TOX: variants seen among roughly 807,000 people sequenced by gnomAD.
TOX encodes the protein thymocyte selection associated high mobility group box.
Under a neutral mutation model 53.7 loss-of-function variants are expected in TOX, and 11 were observed. The ratio of observed to expected loss-of-function variants is 0.20; its 90% confidence interval spans 0.13 to 0.34. The LOEUF (loss-of-function observed/expected upper bound fraction) is 0.34, where lower values mean the gene tolerates loss of function less well. TOX is among the 10% of genes least tolerant of loss of function. TOX has a pLI of 1.00. For missense variants in TOX, 570 were observed against 664.6 expected (o/e 0.86, Z 1.56); for synonymous variants, 225 against 245.3 (o/e 0.92, Z 0.77).
rs190781051 is a variant in TOX at position 59,008,111 on chromosome 8, C to G, written c.103-48103G>C. On this transcript the variant is annotated intron_variant, in intron 1 of 8. Coordinates refer to ENST00000361421, the MANE Select transcript of TOX (RefSeq NM_014729.3). ...ATTATTTTCTTCCACTCATCAGTTTCTTTCATCAAATGAAAACAGTTTTTC... is the reference window on the plus strand; with the variant it reads ...ATTATTTTCTTCCACTCATCAGTTTGTTTCATCAAATGAAAACAGTTTTTC... 7.7e-4 allele frequency among the ~76,000 whole-genome samples: 118 copies of G among 152,318 alleles called. 3 individuals are homozygous for G. Among genetic ancestry groups the G allele is most frequent in the East Asian group, 7.7e-3 (40 of 5,190 alleles).
At chr8:59,085,979 C>CT (rs35593177) in intron 1 of TOX, among the ~76,000 whole-genome samples, 4,048 of 88,850 alleles carry the variant, frequency 0.046, 123 homozygotes, top group Non-Finnish European at 0.064. Context: ...CTTTTCTTTT[C>CT]TTTTTTTTTT....
At chr8:59,042,855 G>A (rs1484648685) in intron 1 of TOX, among the ~76,000 whole-genome samples, 2 of 151,726 alleles carry the variant, frequency 1.3e-5, no homozygotes, top group Admixed American at 1.3e-4. Flanking sequence ...GTATTTATGG[G>A]GTACAATGTG....
At chr8:58,930,128 T>C (rs1198516532) in intron 3 of TOX, among the ~76,000 whole-genome samples, 3 of 152,228 alleles carry the variant, frequency 2.0e-5, no homozygotes, top group Non-Finnish European at 2.9e-5. Flanking sequence ...GACACCATGA[T>C]AAATGACATT....
At chr8:58,871,301 G>A (rs1178221891) in intron 3 of TOX, among the ~76,000 whole-genome samples, 1 of 151,940 alleles carries the variant, frequency 6.6e-6, no homozygotes, top group Non-Finnish European at 1.5e-5. Flanking sequence ...TTTTAGGGTG[G>A]TATTATTCCG....
intron 4 of TOX, among the ~76,000 whole-genome samples, chr8:58,846,589 T>G (rs563097409): frequency 5.3e-5 from 8 of 152,266 alleles, no homozygotes; most frequent in African/African-American, 1.9e-4. Context: ...CCTATTTGCT[T>G]TGAGAAAAAA....
chr8:58,978,642 G>C (rs1175346054), intron 1 of TOX, among the ~76,000 whole-genome samples: 5 of 152,140 alleles, frequency 3.3e-5, no homozygotes, highest in Non-Finnish European at 7.4e-5. Context: ...AATGTACAGA[G>C]TTCCCATATA....
chr8:59,010,455 C>A (rs1813883664), intron 1 of TOX, among the ~76,000 whole-genome samples: 1 of 152,136 alleles, frequency 6.6e-6, no homozygotes, highest in Admixed American at 6.5e-5. Context: ...AGTGACGAGG[C>A]CAACGAAAAT....
intron 3 of TOX, among the ~76,000 whole-genome samples, chr8:58,934,428 T>C (rs1812311635): frequency 6.6e-6 from 1 of 152,190 alleles, no homozygotes; most frequent in African/African-American, 2.4e-5. Flanking sequence ...GAGGTTCCCA[T>C]TGAATATATC....
At chr8:59,085,888 C>G (rs182773711) in intron 1 of TOX, among the ~76,000 whole-genome samples, 1 of 151,840 alleles carries the variant, frequency 6.6e-6, no homozygotes, top group East Asian at 1.9e-4. Flanking sequence ...TTTTGTTCCT[C>G]TGGTTCTCCC....
chr8:59,109,010 A>C (rs1448796279), intron 1 of TOX, among the ~76,000 whole-genome samples: 1 of 152,182 alleles, frequency 6.6e-6, no homozygotes, highest in Non-Finnish European at 1.5e-5. Flanking sequence ...TTCTTATGCC[A>C]AAAGAACAAT....
intron 3 of TOX, among the ~76,000 whole-genome samples, chr8:58,879,278 T>C (rs900877377): frequency 2.0e-5 from 3 of 152,224 alleles, no homozygotes; most frequent in African/African-American, 7.2e-5. Context: ...TGTGTTTCTA[T>C]GGCAATCTAT....
intron 3 of TOX, among the ~76,000 whole-genome samples, chr8:58,910,341 G>A (rs1811888239): frequency 6.6e-6 from 1 of 151,990 alleles, no homozygotes. Flanking sequence ...TTCAACCATT[G>A]TCAGGTTGGA....
intron 5 of TOX, among the ~76,000 whole-genome samples, chr8:58,837,223 C>A (rs1158734864): frequency 6.6e-6 from 1 of 152,144 alleles, no homozygotes; most frequent in Non-Finnish European, 1.5e-5. Flanking sequence ...ATCATTAATG[C>A]AATTCAGTAT....
intron 3 of TOX, among the ~76,000 whole-genome samples, chr8:58,896,714 A>G (rs376003491): frequency 2.3e-5 from 3 of 128,312 alleles, no homozygotes; most frequent in Admixed American, 2.3e-4. Flanking sequence ...TAAAATAAAA[A>G]CAAAAAATCC....
chr8:58,952,329 T>C (rs1176383817), intron 2 of TOX, among the ~76,000 whole-genome samples: 1 of 152,214 alleles, frequency 6.6e-6, no homozygotes, highest in Non-Finnish European at 1.5e-5. Flanking sequence ...TTCAACACAT[T>C]ACTATTCTTA....
At chr8:58,956,753 T>A (rs574742805) in intron 2 of TOX, among the ~76,000 whole-genome samples, 10 of 152,244 alleles carry the variant, frequency 6.6e-5, no homozygotes, top group African/African-American at 2.2e-4. Flanking sequence ...GTGGCTGGGA[T>A]TACAGGCACA....
At chr8:58,913,482 C>T (rs1297298061) in intron 3 of TOX, among the ~76,000 whole-genome samples, 1 of 152,198 alleles carries the variant, frequency 6.6e-6, no homozygotes, top group Non-Finnish European at 1.5e-5. Flanking sequence ...CAGCACTTAG[C>T]CTGCTGCCTG....
intron 1 of TOX, among the ~76,000 whole-genome samples, chr8:59,072,172 G>A (rs1265637735): frequency 2.0e-5 from 3 of 152,120 alleles, no homozygotes; most frequent in African/African-American, 7.2e-5. Flanking sequence ...TGTTAGGTTT[G>A]TGACTATAAA....
chr8:58,876,585 C>T (rs934214967), intron 3 of TOX, among the ~76,000 whole-genome samples: 9 of 152,018 alleles, frequency 5.9e-5, no homozygotes, highest in Non-Finnish European at 1.2e-4. Flanking sequence ...TTTCACTGAG[C>T]GAATGTGGCT....
Sources: allele counts gnomAD v4.1 joint callset (sites outside exome capture counted in the v4.1 genomes callset), GRCh38; gene constraint gnomAD v4.1.1; transcripts MANE v1.5; gene names NCBI Gene and HGNC (gene_info 2026-07-23, HGNC 2026-07-21).